SMYD3: variants seen among roughly 807,000 people sequenced by gnomAD.
SMYD3 encodes the protein SET and MYND domain containing 3, also known as histone-lysine N-methyltransferase SMYD3.
In SMYD3, 36 loss-of-function variants were observed where a neutral mutation model predicts 57.7. That is an observed-to-expected ratio of 0.62 (90% confidence interval 0.48 to 0.82). SMYD3 has a LOEUF of 0.82. SMYD3 is among the 40% of genes least tolerant of loss of function. The pLI, the probability that SMYD3 is intolerant of heterozygous loss-of-function variation, is 0.00. For synonymous variants in SMYD3, 211 were observed against 195.0 expected, an observed-to-expected ratio of 1.08 and a Z score of -0.68; for missense variants, 515 against 538.8, an observed-to-expected ratio of 0.96 and a Z score of 0.44.
intron 5 of SMYD3, among the ~76,000 whole-genome samples, chr1:246,111,020 G>A (rs1345529967): frequency 6.6e-6 from 1 of 152,096 alleles, no homozygotes; most frequent in Non-Finnish European, 1.5e-5. Context: ...TGCGCAAAGA[G>A]AAACAAATAT....
chr1:246,152,645 A>G (rs2061959301), intron 5 of SMYD3, among the ~76,000 whole-genome samples: 1 of 152,242 alleles, frequency 6.6e-6, no homozygotes, highest in African/African-American at 2.4e-5. Flanking sequence ...ATACTTCCTC[A>G]ATAAAGGCTT....
chr1:245,770,006 G>A (rs775525200), intron 10 of SMYD3, among the ~76,000 whole-genome samples: 1 of 152,214 alleles, frequency 6.6e-6, no homozygotes, highest in Non-Finnish European at 1.5e-5. Flanking sequence ...CAGAAGCCAT[G>A]AATTTAGAGG....
chr1:245,764,065 G>A lies in SMYD3; in HGVS notation c.1161C>T (p.Pro387=). 6.2e-7 allele frequency: 1 copy of A among 1,613,830 alleles called. No individual in the cohort carries two copies. The highest frequency in any genetic ancestry group is 8.5e-7 in the Non-Finnish European group (1 of 1,179,788). The change falls in exon 11 of 12, where the codon CCC becomes CCT. Residue 387 remains proline, a synonymous_variant. Transcript: ENST00000490107. ...GKLQLHQGMF[P]QAMKNLRLAF... ...CCAGTCTCAGATTCTTCATTGCTTG[G>A]GGAAACATGCCTTGATGTAGCTGCA...
At chr1:245,807,794 G>A (rs1265942605) in intron 10 of SMYD3, among the ~76,000 whole-genome samples, 1 of 146,180 alleles carries the variant, frequency 6.8e-6, no homozygotes, top group Non-Finnish European at 1.5e-5. Context: ...CAAGAGCCCA[G>A]AGTTTGTAAT....
At chr1:245,946,111 C>A (rs918325824) in intron 5 of SMYD3, among the ~76,000 whole-genome samples, 1 of 152,092 alleles carries the variant, frequency 6.6e-6, no homozygotes, top group African/African-American at 2.4e-5. Context: ...CATGCACCCC[C>A]GCAGTTAAAT....
At chr1:246,211,477 AT>A (rs1352636397) in intron 5 of SMYD3, among the ~76,000 whole-genome samples, 1 of 152,132 alleles carries the variant, frequency 6.6e-6, no homozygotes, top group African/African-American at 2.4e-5. Context: ...TTAAAAAAAA[AT>A]AAACATCTCT....
At chr1:246,444,885 T>C (rs1434608804) in intron 1 of SMYD3, among the ~76,000 whole-genome samples, 1 of 152,204 alleles carries the variant, frequency 6.6e-6, no homozygotes, top group South Asian at 2.1e-4. Context: ...AGCTTTAGGA[T>C]ACGCAAATTT....
chr1:245,970,071 G>T (rs1333300910), intron 5 of SMYD3, among the ~76,000 whole-genome samples: 1 of 152,148 alleles, frequency 6.6e-6, no homozygotes, highest in Admixed American at 6.5e-5. Flanking sequence ...GTACTACAAG[G>T]CTACAGCAGC....
chr1:246,462,734 A>T (rs1210468932), intron 1 of SMYD3, among the ~76,000 whole-genome samples: 2 of 152,242 alleles, frequency 1.3e-5, no homozygotes, highest in African/African-American at 4.8e-5. Flanking sequence ...GAGAAATCTT[A>T]GATAGCTCAC....
At chr1:246,430,445 G>A (rs535076955) in intron 1 of SMYD3, among the ~76,000 whole-genome samples, 14 of 152,336 alleles carry the variant, frequency 9.2e-5, no homozygotes, top group South Asian at 2.1e-4. Flanking sequence ...GAACTAGAGC[G>A]AAGGCCGTAT....
At chr1:246,418,120 T>G (rs1402892835) in intron 1 of SMYD3, among the ~76,000 whole-genome samples, 2 of 152,200 alleles carry the variant, frequency 1.3e-5, no homozygotes, top group East Asian at 3.8e-4. Context: ...ATCAGTCTAA[T>G]GTCAGGTCAT....
intron 5 of SMYD3, among the ~76,000 whole-genome samples, chr1:246,044,532 G>C (rs2059930814): frequency 6.6e-6 from 1 of 152,128 alleles, no homozygotes; most frequent in African/African-American, 2.4e-5. Flanking sequence ...AGATCAGTCA[G>C]GCTCCGTCTC....
At chr1:246,440,331 C>G (rs1220060792) in intron 1 of SMYD3, among the ~76,000 whole-genome samples, 1 of 152,052 alleles carries the variant, frequency 6.6e-6, no homozygotes, top group East Asian at 1.9e-4. Context: ...GCAAAAGATA[C>G]CTCCCACAAA....
chr1:246,304,060 A>G (rs1456908586), intron 5 of SMYD3, among the ~76,000 whole-genome samples: 1 of 152,234 alleles, frequency 6.6e-6, no homozygotes, highest in Non-Finnish European at 1.5e-5. Flanking sequence ...AAAATATAAC[A>G]TCACAAAGTT....
At chr1:246,322,523 A>T (rs1371257613) in intron 5 of SMYD3, 1 of 152,192 alleles carries the variant, frequency 6.6e-6, no homozygotes, top group Non-Finnish European at 1.5e-5. Context: ...GAGCCAGCAG[A>T]GATGAAATTG....
At chr1:246,271,937 T>C (rs929711972) in intron 5 of SMYD3, among the ~76,000 whole-genome samples, 2 of 152,248 alleles carry the variant, frequency 1.3e-5, no homozygotes, top group Admixed American at 6.5e-5. Context: ...ACATGGGATA[T>C]GTTTCCACTT....
intron 5 of SMYD3, among the ~76,000 whole-genome samples, chr1:246,154,285 G>A (rs1184776911): frequency 6.6e-6 from 1 of 152,180 alleles, no homozygotes; most frequent in Non-Finnish European, 1.5e-5. Flanking sequence ...CTAAGTGAAT[G>A]ATACCTTTGG....
intron 8 of SMYD3, among the ~76,000 whole-genome samples, chr1:245,912,469 A>G (rs2055065660): frequency 6.6e-6 from 1 of 152,172 alleles, no homozygotes; most frequent in African/African-American, 2.4e-5. Flanking sequence ...CCCTATTAAA[A>G]TACCAACGAT....
chr1:245,964,243 T>G (rs890379916), intron 5 of SMYD3, among the ~76,000 whole-genome samples: 1 of 152,134 alleles, frequency 6.6e-6, no homozygotes, highest in Admixed American at 6.5e-5. Context: ...CACCACGCCA[T>G]GCATGAGGGG....
Sources: allele counts gnomAD v4.1 joint callset (sites outside exome capture counted in the v4.1 genomes callset), GRCh38; gene constraint gnomAD v4.1.1; transcripts MANE v1.5; gene names NCBI Gene and HGNC (gene_info 2026-07-23, HGNC 2026-07-21).